The following XAGE2 variants were observed in gnomAD, a reference collection of about 807,000 sequenced individuals.
XAGE2 encodes the protein X antigen family member 2.
A neutral mutation model predicts 9.9 loss-of-function variants in XAGE2; 7 were observed. The ratio of observed to expected loss-of-function variants is 0.71; its 90% confidence interval spans 0.40 to 1.32. XAGE2 has a LOEUF of 1.32. Ranked by LOEUF, XAGE2 falls within the 40% of genes most tolerant of loss-of-function variation. The probability of loss-of-function intolerance (pLI) is 0.01; values close to 1 mark genes in which losing one functional copy is unlikely to be tolerated. For synonymous variants in XAGE2, 31 were observed against 26.8 expected, an observed-to-expected ratio of 1.16 and a Z score of -0.48; for missense variants, 85 against 81.0, an observed-to-expected ratio of 1.05 and a Z score of -0.19.
chrX:52,373,255 A>T (rs1371016421), intron 4 of XAGE2, among the ~76,000 whole-genome samples: 2 of 112,289 alleles, frequency 1.8e-5, no homozygotes, highest in African/African-American at 3.2e-5. Flanking sequence ...CTGAGCTGAG[A>T]TTTCATTGCT....
intron 3 of XAGE2, among the ~76,000 whole-genome samples, chrX:52,371,781 G>T (rs1191047005): frequency 1.8e-5 from 2 of 111,174 alleles, no homozygotes; most frequent in Admixed American, 9.5e-5. Context: ...TACATTTAGG[G>T]CCTTTGGACC....
chrX:52,370,435 A>T, intron 2 of XAGE2, 132 bp from the exon 3 acceptor site: 2 of 604,359 alleles, frequency 3.3e-6, no homozygotes, highest in Non-Finnish European at 5.7e-6. Context: ...AGTATGTGGA[A>T]CAGTGTTGGA....
In XAGE2 at chrX:52,375,570, T is replaced by C; in HGVS notation, c.315T>C (p.Gly105=). 8.3e-7 allele frequency: 1 copy of C among 1,206,250 alleles called. No homozygotes were observed. Residue 105 remains glycine, a splice_region_variant and synonymous_variant, in exon 5 of 5, where the codon GGT becomes GGC. Transcript: ENST00000286049. The part of the protein sequence containing the change: ...KAEHFKMPEA[G]EGKSQV ...CCACCTGTTATGTTTCTATTACAGG[T>C]GAAGGGAAATCACAGGTTTAAAGGA...
At position 52,370,085 on chromosome X, in the gene XAGE2, G is replaced by C; in HGVS notation, c.71G>C (p.Gly24Ala). ...RRSLQPPELI[G>A]AMLEPTDEEP... ...AGTTTACAGCCTCCTGAGCTGATTG[G>C]GGCTATGCTTGTGAGTGCTTTAATA... is the stretch of plus-strand genomic sequence containing the variant. Residue 24 changes from glycine to alanine, a missense_variant, in exon 2 of 5, where the codon GGG (glycine) becomes GCG (alanine). Coordinates refer to ENST00000286049, the MANE Select transcript of XAGE2 (RefSeq NM_130777.3). The C allele has an allele frequency of 8.3e-7, 1 of 1,211,134 alleles. No homozygotes were observed. The highest frequency in any genetic ancestry group is 1.1e-6 in the Non-Finnish European group (1 of 894,969).
chrX:52,371,103 T>A (rs988581956), intron 3 of XAGE2, among the ~76,000 whole-genome samples: 21 of 111,617 alleles, frequency 1.9e-4, no homozygotes, highest in Non-Finnish European at 2.1e-4. Context: ...CCCATTTGCA[T>A]AGGGATATTA....
At position 52,375,665 on chromosome X, in the gene XAGE2, T is replaced by A; in HGVS notation, c.*74T>A. 1 of 942,687 alleles carries A rather than the reference T, an allele frequency of 1.1e-6. No individual in the cohort carries two copies. Among genetic ancestry groups the A allele is most frequent in the Non-Finnish European group, 1.5e-6 (1 of 678,484 alleles). The allele number at this position is 942,687 out of a possible 1,213,427, so 77.7% of individuals were successfully genotyped here. A position where few individuals can be genotyped will look rare whatever the true frequency, so the allele number is the denominator to read the frequency against. ...ACTTTAAAATATCTTAATAAAGTTT[T>A]AAGCTTTTCTCCAAAGAAGTCTTGC... On this transcript the variant is annotated 3_prime_UTR_variant, in exon 5 of 5. Transcript: ENST00000286049.
At chrX:52,375,124 T>A (rs1211488560) in intron 4 of XAGE2, among the ~76,000 whole-genome samples, 1 of 112,268 alleles carries the variant, frequency 8.9e-6, no homozygotes, top group Non-Finnish European at 1.9e-5. Context: ...TCATACTATT[T>A]CCAGGAGCCT....
intron 3 of XAGE2, among the ~76,000 whole-genome samples, chrX:52,371,478 G>A (rs2146414364): frequency 8.9e-6 from 1 of 111,911 alleles, no homozygotes; most frequent in South Asian, 3.7e-4. Context: ...GCTTTTTAAG[G>A]AACTTTTAAA....
intron 4 of XAGE2, among the ~76,000 whole-genome samples, chrX:52,374,952 G>A (rs2146416154): frequency 8.9e-6 from 1 of 111,769 alleles, no homozygotes; most frequent in East Asian, 2.8e-4. Context: ...GGGGACAGAT[G>A]TTTACCATAC....
At chrX:52,372,328 C>A (rs996258561) in intron 3 of XAGE2, among the ~76,000 whole-genome samples, 1 of 110,396 alleles carries the variant, frequency 9.1e-6, no homozygotes, top group Non-Finnish European at 1.9e-5. Context: ...CCCCTGTACT[C>A]CAGCCTGGAT....
chrX:52,373,938 G>C (rs965487121), intron 4 of XAGE2, among the ~76,000 whole-genome samples: 7 of 111,425 alleles, frequency 6.3e-5, no homozygotes, highest in Admixed American at 5.7e-4. Flanking sequence ...TATTAGAATA[G>C]ATAGCAAATT....
chrX:52,374,621 C>G (rs1921269147), intron 4 of XAGE2, among the ~76,000 whole-genome samples: 1 of 111,761 alleles, frequency 8.9e-6, no homozygotes, highest in African/African-American at 3.3e-5. Context: ...TTAAATATAT[C>G]CCAGTAGTAC....
intron 1 of XAGE2, among the ~76,000 whole-genome samples, chrX:52,369,643 A>T (rs1921142584): frequency 1.8e-5 from 2 of 111,983 alleles, no homozygotes. Context: ...GATTTTAGGG[A>T]GGGAAATCGT....
At chrX:52,372,424 TTTA>T in intron 3 of XAGE2, 117 bp from the exon 4 acceptor site, 1 of 928,908 alleles carries the variant, frequency 1.1e-6, no homozygotes, top group African/African-American at 1.9e-5. Context: ...TTGCATCACA[TTTA>T]TTATCACACT....
intron 4 of XAGE2, among the ~76,000 whole-genome samples, chrX:52,374,944 G>A (rs1174285486): frequency 1.8e-5 from 2 of 111,340 alleles, no homozygotes; most frequent in African/African-American, 6.5e-5. Context: ...TGAAAACTGG[G>A]GACAGATGTT....
chrX:52,375,364 A>T (rs1921290450), intron 4 of XAGE2, among the ~76,000 whole-genome samples: 1 of 111,808 alleles, frequency 8.9e-6, no homozygotes, highest in Admixed American at 9.5e-5. Context: ...GGGTGTGTTT[A>T]AAAAATATTA....
rs1366630833 is a variant in XAGE2, at chrX:52,370,049, G to A, written c.35G>A (p.Arg12Lys). The A allele has an allele frequency of 8.2e-6, 10 of 1,212,282 alleles. No individual in the cohort carries two copies. Among genetic ancestry groups the A allele is most frequent in the Non-Finnish European group, 1.1e-5 (10 of 895,545 alleles). ...CGAGGAAGATCAACATATAGGCCTA[G>A]GCCAAGAAGAAGTTTACAGCCTCCT... ...SWRGRSTYRP[R>K]PRRSLQPPEL... Residue 12 changes from arginine to lysine, a missense_variant, in exon 2 of 5, where the codon AGG becomes AAG. Arg to Lys is a conservative substitution (Grantham distance 26). Coordinates refer to ENST00000286049, the MANE Select transcript of XAGE2 (RefSeq NM_130777.3).
chrX:52,370,912 T>G (rs1921173594), intron 3 of XAGE2, among the ~76,000 whole-genome samples: 1 of 112,290 alleles, frequency 8.9e-6, no homozygotes, highest in Admixed American at 9.4e-5. Flanking sequence ...CATCCCTTGC[T>G]AAATCAGATG....
At chrX:52,373,059 G>C (rs1921231997) in intron 4 of XAGE2, among the ~76,000 whole-genome samples, 1 of 112,397 alleles carries the variant, frequency 8.9e-6, no homozygotes, top group Admixed American at 9.4e-5. Context: ...TGAGAATCTG[G>C]ACAAATTCCA....
Sources: allele counts gnomAD v4.1 joint callset (sites outside exome capture counted in the v4.1 genomes callset), GRCh38; gene constraint gnomAD v4.1.1; transcripts MANE v1.5; gene names NCBI Gene and HGNC (gene_info 2026-07-23, HGNC 2026-07-21).